CYB5R3: variants seen among roughly 807,000 people sequenced by gnomAD.
The protein encoded by CYB5R3 is NADH-cytochrome b5 reductase 3.
Under a neutral mutation model 36.5 loss-of-function variants are expected in CYB5R3, and 28 were observed. The ratio of observed to expected loss-of-function variants is 0.77; its 90% CI spans 0.57 to 1.05. The LOEUF is 1.05. Ranked by LOEUF, CYB5R3 falls within the 50% of genes least tolerant of loss-of-function variation. The pLI is 0.00. For synonymous variants in CYB5R3, 181 were observed against 159.8 expected, an observed-to-expected ratio of 1.13 and a Z score of -1.00; for missense variants, 474 against 408.9, an observed-to-expected ratio of 1.16 and a Z score of -1.37.
chr22:42,623,897 G>T lies in CYB5R3; in HGVS notation c.634-9C>A, dbSNP rs1338920715. The T allele has an allele frequency of 1.2e-6, 2 of 1,612,632 alleles. No individual in the cohort carries two copies. The highest frequency in any genetic ancestry group is 1.7e-6 in the Non-Finnish European group (2 of 1,178,742). On this transcript the variant is annotated splice_polypyrimidine_tract_variant and intron_variant, in intron 7 of 8. Coordinates refer to ENST00000352397, the MANE Select transcript of CYB5R3 (RefSeq NM_000398.7). ...AGGATGTCCTTCTCGGTCTGCAGGGGACAGGGCCAGGCAGTCAGGAAGGAT... is the reference window on the plus strand; with the variant it reads ...AGGATGTCCTTCTCGGTCTGCAGGGTACAGGGCCAGGCAGTCAGGAAGGAT...
chr22:42,637,901 C>A lies in CYB5R3; in HGVS notation c.22-1055G>T, dbSNP rs570469686. Among the ~76,000 whole-genome samples, 385 of 152,286 alleles carry A rather than the reference C, an allele frequency of 2.5e-3. 1 individual carries two copies. The highest frequency in any genetic ancestry group is 8.8e-3 in the African/African-American group (366 of 41,556). On this transcript the variant is annotated intron_variant, in intron 1 of 8. Transcript: ENST00000352397. ...GACCAAGTGGACCCTGCCACACGGCCCTGAGGGGCTGTTCCTCCCCAGCCC... is the reference window on the plus strand; with the variant it reads ...GACCAAGTGGACCCTGCCACACGGCACTGAGGGGCTGTTCCTCCCCAGCCC...
rs923649139 is a variant in CYB5R3 at position 42,623,808 on chromosome 22, C to T, written c.714G>A (p.Thr238=). ...KHSARFKLWY[T]LDRAPEAWDY... is the part of the protein sequence containing the mutation. ...ACTCACCTTCAGGGGCTCTGTCCAG[C>T]GTGTACCAGAGCTTGAAGCGTGCAG... The change falls in exon 8 of 9, where the codon ACG becomes ACA. Residue 238 remains threonine (T), a synonymous_variant. Coordinates refer to ENST00000352397, the MANE Select transcript of CYB5R3 (RefSeq NM_000398.7). The T allele has an allele frequency of 6.2e-6, 10 of 1,613,984 alleles. No homozygotes were observed. Among genetic ancestry groups the T allele is most frequent in the African/African-American group, 1.3e-5 (1 of 74,946 alleles).
chr22:42,636,153 G>GT (rs1224983329), intron 2 of CYB5R3, among the ~76,000 whole-genome samples: 1 of 152,100 alleles, frequency 6.6e-6, no homozygotes, highest in Non-Finnish European at 1.5e-5. Context: ...GGAGGCAGAG[G>GT]TTGCAGTGAG....
At chr22:42,626,015 A>G (rs1179567324) in intron 7 of CYB5R3, among the ~76,000 whole-genome samples, 1 of 152,236 alleles carries the variant, frequency 6.6e-6, no homozygotes, top group Non-Finnish European at 1.5e-5. Context: ...TAGTTTTTTA[A>G]AAATAAAAAT....
At chr22:42,640,004 C>T in intron 1 of CYB5R3, 1 of 1,612,814 alleles carries the variant, frequency 6.2e-7, no homozygotes, top group East Asian at 2.2e-5. Context: ...CCTGTGATCT[C>T]TCTGACATAA....
chr22:42,633,476 A>C (rs997421221), intron 2 of CYB5R3: 3 of 152,212 alleles, frequency 2.0e-5, no homozygotes, highest in African/African-American at 7.2e-5. Flanking sequence ...TAAATCATAC[A>C]TTATTTCTGG....
At chr22:42,633,266 C>T (rs1241172709) in intron 2 of CYB5R3, 1 of 152,260 alleles carries the variant, frequency 6.6e-6, no homozygotes, top group Admixed American at 6.5e-5. Context: ...TGGCTGGCTA[C>T]AAAACCAGGT....
At chr22:42,631,506 G>A (rs372735605) in intron 2 of CYB5R3, 56 bp from the exon 3 acceptor site, 121 of 1,479,752 alleles carry the variant, frequency 8.2e-5, no homozygotes, top group Non-Finnish European at 9.7e-5. Context: ...CTCCCAGGGC[G>A]GCTCCCAGGC....
At chr22:42,628,809 G>C (rs922948597) in intron 4 of CYB5R3, among the ~76,000 whole-genome samples, 1 of 152,204 alleles carries the variant, frequency 6.6e-6, no homozygotes. Context: ...GGGAGACAGA[G>C]GAGGAGCGGC....
intron 7 of CYB5R3, among the ~76,000 whole-genome samples, 193 bp downstream of exon 7, chr22:42,627,111 G>A (rs1928308492): frequency 6.6e-6 from 1 of 152,182 alleles, no homozygotes; most frequent in Non-Finnish European, 1.5e-5. Flanking sequence ...GCCAGACACA[G>A]GCGCTGCACC....
rs1289364087 is a variant in CYB5R3, at chr22:42,636,799, G to T, written c.69C>A (p.Leu23=). The T allele has an allele frequency of 6.2e-7, 1 of 1,613,878 alleles. No homozygotes were observed. Among genetic ancestry groups the T allele is most frequent in the Non-Finnish European group, 8.5e-7 (1 of 1,180,016 alleles). Residue 23 remains leucine (L), a synonymous_variant, in exon 2 of 9, where the codon CTC becomes CTA. Coordinates refer to ENST00000352397, the MANE Select transcript of CYB5R3 (RefSeq NM_000398.7). ...LFPVWFLYSL[L]MKLFQRSTPA... is the part of the protein sequence containing the mutation. ...GCGTGGAGCGCTGGAACAGCTTCAT[G>T]AGCAGACTGTACAGGAACCAGACTG...
Position 42,628,194 on chromosome 22 carries a change from C to T in CYB5R3, c.421G>A (p.Glu141Lys), listed in dbSNP as rs1928400381. 2 of 1,614,084 alleles carry T rather than the reference C, an allele frequency of 1.2e-6. No homozygotes were observed. The highest frequency in any genetic ancestry group is 1.7e-6 in the Non-Finnish European group (2 of 1,179,998). The change falls in exon 5 of 9, where the codon GAG becomes AAG. Residue 141 changes from glutamate to lysine, a missense_variant. By Grantham distance (56) the Glu-to-Lys change is moderately conservative. Coordinates refer to ENST00000352397, the MANE Select transcript of CYB5R3 (RefSeq NM_000398.7). ...LESMQIGDTIEFRGPSGLLVY... is the reference protein window; with the variant it reads ...LESMQIGDTIKFRGPSGLLVY... ...AGCAGCCCACTGGGGCCCCGGAACTCAATGGTGTCTCCAATCTGCATGCTC... is the reference window on the plus strand; with the variant it reads ...AGCAGCCCACTGGGGCCCCGGAACTTAATGGTGTCTCCAATCTGCATGCTC...
At chr22:42,623,994 G>T in intron 7 of CYB5R3, 106 bp from the exon 8 acceptor site, 2 of 936,892 alleles carry the variant, frequency 2.1e-6, no homozygotes, top group Non-Finnish European at 3.4e-6. Flanking sequence ...CGGGCCACAC[G>T]CTTGCGGAGC....
intron 5 of CYB5R3, 85 bp downstream of exon 5, chr22:42,628,067 G>A: frequency 6.4e-7 from 1 of 1,574,090 alleles, no homozygotes; most frequent in Non-Finnish European, 8.7e-7. Context: ...CACAGAGCCA[G>A]GGGCCTGCAC....
intron 2 of CYB5R3, among the ~76,000 whole-genome samples, chr22:42,636,188 G>C (rs1403167654): frequency 6.6e-6 from 1 of 152,092 alleles, no homozygotes; most frequent in Non-Finnish European, 1.5e-5. Flanking sequence ...CTGCACTCCA[G>C]CCTGGGACAC....
At chr22:42,636,436 G>A (rs1018674340) in intron 2 of CYB5R3, among the ~76,000 whole-genome samples, 1 of 152,118 alleles carries the variant, frequency 6.6e-6, no homozygotes, top group African/African-American at 2.4e-5. Flanking sequence ...CCATAAATGG[G>A]GGATTGAACC....
chr22:42,648,891 G>A (rs1257525511), intron 1 of CYB5R3, among the ~76,000 whole-genome samples: 1 of 151,814 alleles, frequency 6.6e-6, no homozygotes, highest in African/African-American at 2.4e-5. Context: ...TCACACCCAC[G>A]GTCACACTCA....
In CYB5R3 at chr22:42,618,815, A is replaced by G. The variant is rs1444875032; in HGVS notation, c.*958T>C. On this transcript the variant is annotated 3_prime_UTR_variant, in exon 9 of 9. Coordinates refer to ENST00000352397, the MANE Select transcript of CYB5R3 (RefSeq NM_000398.7). ...ACCCTCGAGGAGCTAGAGAAGGGTT[A>G]ATATTAGCAAAGTTTTACTTTTTTT... The G allele has an allele frequency of 1.3e-5, 2 of 151,912 alleles. No individual in the cohort carries two copies. The highest frequency in any genetic ancestry group is 2.9e-5 in the Non-Finnish European group (2 of 67,986). 9.4% of individuals were successfully genotyped at this position (151,912 alleles called of 1,614,324 possible).
intron 1 of CYB5R3, among the ~76,000 whole-genome samples, chr22:42,639,576 C>T (rs12329980): frequency 0.017 from 2,546 of 148,162 alleles, 73 homozygotes; most frequent in African/African-American, 0.061. Context: ...TGCAGTGAGC[C>T]GAGATCATGC....
Sources: allele counts gnomAD v4.1 joint callset (sites outside exome capture counted in the v4.1 genomes callset), GRCh38; gene constraint gnomAD v4.1.1; transcripts MANE v1.5; gene names NCBI Gene and HGNC (gene_info 2026-07-23, HGNC 2026-07-21).